The following ZNF33B variants were observed in gnomAD, a reference collection of about 807,000 sequenced individuals.
ZNF33B encodes the protein zinc finger protein 11b (KOX 2).
Under a neutral mutation model 45.8 loss-of-function variants are expected in ZNF33B, and 29 were observed. The observed-to-expected ratio is 0.63, with a 90% CI of 0.47 to 0.86. The LOEUF (loss-of-function observed/expected upper bound fraction) is 0.86, where lower values mean the gene tolerates loss of function less well. ZNF33B is among the 40% of genes least tolerant of loss of function. The pLI is 0.00. For synonymous variants in ZNF33B, 305 were observed against 307.8 expected (o/e 0.99, Z 0.10); for missense variants, 831 against 909.9 (o/e 0.91, Z 1.12).
At chr10:42,625,165 T>C (rs1838751268) in intron 4 of ZNF33B, among the ~76,000 whole-genome samples, 1 of 152,006 alleles carries the variant, frequency 6.6e-6, no homozygotes, top group South Asian at 2.1e-4. Flanking sequence ...TAGGTCAATT[T>C]GGAGAGAACT....
chr10:42,579,154 T>A (rs1384014403), intron 1 of ZNF33B, among the ~76,000 whole-genome samples: 3 of 152,236 alleles, frequency 2.0e-5, no homozygotes, highest in African/African-American at 7.2e-5. Flanking sequence ...TTCATCCTAA[T>A]GACCACCCTT....
At chr10:42,586,756 C>A (rs1459093869), downstream of ZNF33B, among the ~76,000 whole-genome samples, 6 of 152,214 alleles carry the variant, frequency 3.9e-5, no homozygotes, top group Non-Finnish European at 8.8e-5. Context: ...CCAACATATT[C>A]CTCATGTGCA....
At chr10:42,585,882 A>C (rs1351995333), downstream of ZNF33B, among the ~76,000 whole-genome samples, 1 of 152,166 alleles carries the variant, frequency 6.6e-6, no homozygotes, top group African/African-American at 2.4e-5. Context: ...TGGTGCCTTA[A>C]AACTATCCTT....
chr10:42,592,344 CA>C lies in ZNF33B; in HGVS notation c.*268del. 1.6e-6 allele frequency: 1 copy of C among 614,364 alleles called. No homozygotes were observed. Among genetic ancestry groups the C allele is most frequent in the South Asian group, 5.5e-5 (1 of 18,242 alleles). The allele number at this position is 614,364 out of a possible 1,614,324, so 38.1% of individuals were successfully genotyped here. The stretch of plus-strand genomic sequence containing the variant: ...AACATAATCCTATTTGTAGTTTTGC[CA>C]AAAACTTTCACAAATTCAAAAAAAT... On this transcript the variant is annotated 3_prime_UTR_variant, in exon 5 of 5. Coordinates refer to ENST00000359467, the MANE Select transcript of ZNF33B (RefSeq NM_006955.3).
At chr10:42,635,433 T>A (rs181958372) in intron 2 of ZNF33B, among the ~76,000 whole-genome samples, 1 of 152,280 alleles carries the variant, frequency 6.6e-6, no homozygotes, top group East Asian at 1.9e-4. Flanking sequence ...TTTTGACGTA[T>A]GTATTCATTA....
chr10:42,630,355 G>A (rs1838995569), intron 4 of ZNF33B, among the ~76,000 whole-genome samples: 1 of 152,108 alleles, frequency 6.6e-6, no homozygotes, highest in Non-Finnish European at 1.5e-5. Context: ...TCCCTGCAGG[G>A]AATGTGTTGT....
intron 4 of ZNF33B, among the ~76,000 whole-genome samples, chr10:42,619,457 T>G (rs1838477370): frequency 6.6e-6 from 1 of 152,190 alleles, no homozygotes; most frequent in Non-Finnish European, 1.5e-5. Flanking sequence ...ATGCTGAGTT[T>G]GTTACTACTA....
At chr10:42,623,070 A>T (rs749966925) in intron 4 of ZNF33B, among the ~76,000 whole-genome samples, 8 of 152,050 alleles carry the variant, frequency 5.3e-5, no homozygotes, top group Non-Finnish European at 7.4e-5. Flanking sequence ...AGTTCAAGAC[A>T]AGCCTGGCCA....
Position 42,593,640 on chromosome 10 carries a change from C to T in ZNF33B, c.1310G>A (p.Gly437Glu), listed in dbSNP as rs753862286. The T allele has an allele frequency of 1.2e-6, 2 of 1,613,840 alleles. No homozygotes were observed. The highest frequency in any genetic ancestry group is 1.7e-6 in the Non-Finnish European group (2 of 1,179,964). Residue 437 changes from glycine (G) to glutamate (E), a missense_variant, in exon 5 of 5, where the codon GGG (glycine) becomes GAG (glutamate). By Grantham distance (98) the Gly-to-Glu change is moderately conservative. Transcript: ENST00000359467. ...TTCATAACATTCATAGGGTTTCTGC[C>T]CTGTGTGTGTTCTCTGATGTTTAGT... is the stretch of plus-strand genomic sequence containing the variant. ...DLTKHQRTHTGQKPYECYECG... is the reference protein window; with the variant it reads ...DLTKHQRTHTEQKPYECYECG...
chr10:42,604,066 T>C (rs1837739504), intron 4 of ZNF33B, among the ~76,000 whole-genome samples: 2 of 152,256 alleles, frequency 1.3e-5, no homozygotes, highest in South Asian at 4.1e-4. Context: ...GACTGTCATC[T>C]ATATACAGGA....
intron 1 of ZNF33B, chr10:42,578,467 T>G (rs1836779741): frequency 6.5e-6 from 1 of 152,828 alleles, no homozygotes; most frequent in East Asian, 1.9e-4. Flanking sequence ...TTCTCCTTCC[T>G]CCAGGATGTA....
chr10:42,633,168 G>A (rs1292401289), intron 2 of ZNF33B, among the ~76,000 whole-genome samples: 2 of 151,978 alleles, frequency 1.3e-5, no homozygotes, highest in African/African-American at 2.4e-5. Context: ...TTTCTTCATC[G>A]CAGTACATAT....
chr10:42,621,265 G>A (rs1349828620), intron 4 of ZNF33B, among the ~76,000 whole-genome samples: 5 of 151,702 alleles, frequency 3.3e-5, no homozygotes, highest in Non-Finnish European at 7.4e-5. Flanking sequence ...CTGGGAGTTC[G>A]AGGCTACAGT....
At chr10:42,588,273 T>C (rs562818603), downstream of ZNF33B, among the ~76,000 whole-genome samples, 3 of 152,242 alleles carry the variant, frequency 2.0e-5, no homozygotes, top group East Asian at 1.9e-4. Flanking sequence ...CACAAGAGCA[T>C]TTTAGGATGG....
downstream of ZNF33B, among the ~76,000 whole-genome samples, chr10:42,588,175 G>C (rs1430239406): frequency 6.6e-6 from 1 of 152,196 alleles, no homozygotes; most frequent in Non-Finnish European, 1.5e-5. Flanking sequence ...TTTACAGGTG[G>C]GAGCCTCAGA....
intron 4 of ZNF33B, among the ~76,000 whole-genome samples, chr10:42,630,768 G>A (rs114767686): frequency 0.017 from 2,584 of 152,250 alleles, 79 homozygotes; most frequent in African/African-American, 0.059. Flanking sequence ...ATCTTACAGA[G>A]ATATAAATCA....
At chr10:42,583,699 GC>G (rs1354368458) in intron 1 of ZNF33B, among the ~76,000 whole-genome samples, 9 of 152,000 alleles carry the variant, frequency 5.9e-5, no homozygotes, top group African/African-American at 1.9e-4. Flanking sequence ...AATCAATGTG[GC>G]ATCCATTCAC....
At chr10:42,600,349 C>T (rs751114668) in intron 4 of ZNF33B, among the ~76,000 whole-genome samples, 5 of 151,994 alleles carry the variant, frequency 3.3e-5, no homozygotes, top group Non-Finnish European at 7.4e-5. Flanking sequence ...TCAGATTTTG[C>T]TTCAAATATT....
In ZNF33B at chr10:42,594,350, C is replaced by CA. The variant is rs780091695; in HGVS notation, c.599dup (p.Ser201GlufsTer4). On this transcript the variant is annotated frameshift_variant, in exon 5 of 5. Coordinates refer to ENST00000359467, the MANE Select transcript of ZNF33B (RefSeq NM_006955.3). LOFTEE classifies it low-confidence loss of function (END_TRUNC). The stretch of plus-strand genomic sequence containing the variant: ...GCTGCAAAGTGTTCTCACGATGACT[C>CA]AGAGTGTTCCTATTTTTCAAAACTT... The CA allele has an allele frequency of 3.1e-6, 5 of 1,613,856 alleles. No individual in the cohort carries two copies. In the South Asian group the frequency reaches 5.5e-5, roughly 18 times the overall value.
Sources: gnomAD v4.1 joint callset for allele counts (sites outside exome capture counted in the v4.1 genomes callset) on GRCh38, gnomAD v4.1.1 for gene constraint, MANE v1.5 for transcripts, NCBI Gene and HGNC (gene_info 2026-07-23, HGNC 2026-07-21) for gene names.